Variants in SEL1L3 observed in about 807,000 individuals in gnomAD.
The protein encoded by SEL1L3 is protein sel-1 homolog 3.
Under a neutral mutation model 142.8 loss-of-function variants are expected in SEL1L3, and 76 were observed. The ratio of observed to expected loss-of-function variants is 0.53; its 90% CI spans 0.44 to 0.64. The LOEUF (loss-of-function observed/expected upper bound fraction) is 0.64, where lower values mean the gene tolerates loss of function less well. SEL1L3 is among the 30% of genes least tolerant of loss of function. The probability of loss-of-function intolerance (pLI) is 0.00; values close to 1 mark genes in which losing one functional copy is unlikely to be tolerated. For missense variants in SEL1L3, 1,262 were observed against 1,381.7 expected, an observed-to-expected ratio of 0.91 and a Z score of 1.37; for synonymous variants, 504 against 519.6, an observed-to-expected ratio of 0.97 and a Z score of 0.41.
At chr4:25,791,227 G>A (rs1355335015) in intron 11 of SEL1L3, among the ~76,000 whole-genome samples, 2 of 152,142 alleles carry the variant, frequency 1.3e-5, no homozygotes, top group Non-Finnish European at 2.9e-5. Flanking sequence ...CGCAGGTTCT[G>A]CTTCAAATAT....
At chr4:25,743,346 A>T (rs1169497073), downstream of SEL1L3, among the ~76,000 whole-genome samples, 1 of 152,194 alleles carries the variant, frequency 6.6e-6, no homozygotes, top group Non-Finnish European at 1.5e-5. Flanking sequence ...GACAATAGGG[A>T]AGTAACTGAA....
intron 15 of SEL1L3, 74 bp from the exon 16 acceptor site, chr4:25,779,277 CT>C (rs1719844657): frequency 6.5e-7 from 1 of 1,539,864 alleles, no homozygotes; most frequent in African/African-American, 1.4e-5. Flanking sequence ...TGATGAGATG[CT>C]TTAAGCCTGA....
At chr4:25,723,999 A>G in the SEL1L3 span, among the ~76,000 whole-genome samples, 4 of 152,200 alleles carry the variant, frequency 2.6e-5, no homozygotes, top group African/African-American at 9.6e-5. Context: ...ATGAGGATAG[A>G]AAATATTCTC....
rs539491422 is a variant in SEL1L3, at chr4:25,812,908, G to A, written c.1564+5230C>T. Among the ~76,000 whole-genome samples, 7 of 152,288 alleles carry A rather than the reference G, an allele frequency of 4.6e-5. No individual in the cohort carries two copies. The South Asian group carries it at 1.4e-3, about 32-fold the overall frequency. ...TGCGCCTGTAATCCCAGCTACTCAG[G>A]AGGCTGAGGCAGGAGAATCGCTTGA... On this transcript the variant is annotated intron_variant, in intron 9 of 23. Coordinates refer to ENST00000399878, the MANE Select transcript of SEL1L3 (RefSeq NM_015187.5).
chr4:25,750,684 C>G (rs992871254), intron 23 of SEL1L3, among the ~76,000 whole-genome samples: 3 of 152,164 alleles, frequency 2.0e-5, no homozygotes, highest in Non-Finnish European at 4.4e-5. Flanking sequence ...TGAAATCTCT[C>G]TGACTATAAG....
chr4:25,823,372 A>G (rs1421723296), intron 6 of SEL1L3, among the ~76,000 whole-genome samples: 1 of 152,042 alleles, frequency 6.6e-6, no homozygotes, highest in East Asian at 1.9e-4. Context: ...AAAATTAGCC[A>G]GGTGTGGTGG....
At chr4:25,732,804 C>T in the SEL1L3 span, among the ~76,000 whole-genome samples, 5 of 152,062 alleles carry the variant, frequency 3.3e-5, no homozygotes, top group African/African-American at 1.2e-4. Flanking sequence ...GTGGTGCCAC[C>T]TTGACTCACT....
At chr4:25,727,454 C>T in the SEL1L3 span, among the ~76,000 whole-genome samples, 2 of 152,138 alleles carry the variant, frequency 1.3e-5, no homozygotes, top group South Asian at 4.1e-4. Context: ...CCAATGTAGC[C>T]CATCGCACTC....
intron 17 of SEL1L3, among the ~76,000 whole-genome samples, chr4:25,770,046 C>T (rs1274491626): frequency 2.0e-5 from 3 of 151,902 alleles, no homozygotes; most frequent in Non-Finnish European, 4.4e-5. Flanking sequence ...GAGAATCGCT[C>T]GAACACGAAA....
intron 23 of SEL1L3, among the ~76,000 whole-genome samples, chr4:25,753,216 G>C (rs984550779): frequency 2.6e-5 from 4 of 152,240 alleles, no homozygotes; most frequent in African/African-American, 9.6e-5. Flanking sequence ...ATAAACTCAG[G>C]AGGAAAATGA....
At chr4:25,804,459 C>T in intron 10 of SEL1L3, 82 bp downstream of exon 10, 1 of 1,012,768 alleles carries the variant, frequency 9.9e-7, no homozygotes, top group Non-Finnish European at 1.5e-6. Flanking sequence ...GCAACATGTC[C>T]AGTTCTACCA....
At chr4:25,811,965 A>G (rs751980905) in intron 9 of SEL1L3, among the ~76,000 whole-genome samples, 43 of 152,308 alleles carry the variant, frequency 2.8e-4, no homozygotes, top group Middle Eastern at 3.4e-3. Context: ...GCCTGAATAG[A>G]GCTCATCTTA....
chr4:25,821,157 G>A (rs1714725707), intron 7 of SEL1L3, among the ~76,000 whole-genome samples: 1 of 152,186 alleles, frequency 6.6e-6, no homozygotes, highest in Non-Finnish European at 1.5e-5. Flanking sequence ...TTGCACAAAT[G>A]ACTATTTCAT....
Position 25,792,447 on chromosome 4 carries a change from C to T in SEL1L3, c.1957-1873G>A, listed in dbSNP as rs981683418. On this transcript the variant is annotated intron_variant, in intron 11 of 23. Coordinates refer to ENST00000399878, the MANE Select transcript of SEL1L3 (RefSeq NM_015187.5). ...GGCACAGACCACTCTATCTGGTCCA[C>T]GCTTGGCCAAGCTTATGGCCAGTGT... 8.5e-5 allele frequency among the ~76,000 whole-genome samples: 13 copies of T among 152,330 alleles called. No individual in the cohort carries two copies. The East Asian group carries it at 1.4e-3, about 16-fold the overall frequency.
chr4:25,736,494 G>A, the SEL1L3 span, among the ~76,000 whole-genome samples: 4 of 152,114 alleles, frequency 2.6e-5, no homozygotes, highest in Non-Finnish European at 4.4e-5. Flanking sequence ...AAAGTGCTGG[G>A]ATTACAGGTG....
intron 6 of SEL1L3, among the ~76,000 whole-genome samples, chr4:25,825,054 A>C (rs1268334611): frequency 6.6e-6 from 1 of 152,248 alleles, no homozygotes; most frequent in African/African-American, 2.4e-5. Flanking sequence ...CTCTCTAGAA[A>C]GATTGGCAAA....
chr4:25,752,677 A>G (rs1717684889), intron 23 of SEL1L3, among the ~76,000 whole-genome samples: 1 of 152,096 alleles, frequency 6.6e-6, no homozygotes, highest in African/African-American at 2.4e-5. Flanking sequence ...CAGGAGTGCA[A>G]TGGAGCAATC....
At chr4:25,806,275 G>T (rs1713567691) in intron 9 of SEL1L3, among the ~76,000 whole-genome samples, 1 of 151,508 alleles carries the variant, frequency 6.6e-6, no homozygotes, top group Non-Finnish European at 1.5e-5. Flanking sequence ...CTGACGTCGT[G>T]ATCCGCCCGC....
chr4:25,846,360 C>T (rs1716511122), intron 2 of SEL1L3, among the ~76,000 whole-genome samples: 1 of 152,214 alleles, frequency 6.6e-6, no homozygotes, highest in South Asian at 2.1e-4. Flanking sequence ...CACAGCTTCT[C>T]ACTGAGTGCT....
Sources: gnomAD v4.1 joint callset for allele counts (sites outside exome capture counted in the v4.1 genomes callset) on GRCh38, gnomAD v4.1.1 for gene constraint, MANE v1.5 for transcripts, NCBI Gene and HGNC (gene_info 2026-07-23, HGNC 2026-07-21) for gene names.